RANBP2: variants seen among roughly 807,000 people sequenced by gnomAD.
The protein encoded by RANBP2 is RAN binding protein 2.
A neutral mutation model predicts 303.6 loss-of-function variants in RANBP2; 57 were observed. The observed-to-expected ratio is 0.19, with a 90% CI of 0.15 to 0.23. The LOEUF (loss-of-function observed/expected upper bound fraction) is 0.23. RANBP2 is among the 10% of genes least tolerant of loss of function. The pLI, the probability that RANBP2 is intolerant of heterozygous loss-of-function variation, is 1.00. For synonymous variants in RANBP2, 1,167 were observed against 1,301.5 expected (o/e 0.90, Z 2.23); for missense variants, 3,138 against 3,780.8 (o/e 0.83, Z 4.46).
intron 12 of RANBP2, among the ~76,000 whole-genome samples, chr2:108,752,314 C>CTA (rs997396147): frequency 2.0e-5 from 3 of 151,820 alleles, no homozygotes; most frequent in Non-Finnish European, 2.9e-5. Flanking sequence ...ATAGATCTTT[C>CTA]TATATACTTA....
Position 108,766,311 on chromosome 2 carries a change from T to A in RANBP2, c.5772T>A (p.Ala1924=), listed in dbSNP as rs1677115838. 6.2e-7 allele frequency: 1 copy of A among 1,611,876 alleles called. No individual in the cohort carries two copies. The highest frequency in any genetic ancestry group is 1.3e-5 in the African/African-American group (1 of 74,824). Residue 1924 remains alanine (A), a synonymous_variant, in exon 20 of 29, where the codon GCT becomes GCA. Transcript: ENST00000283195. ...KPLENGTGFQ[A]QDISGQKNGR... Reference sequence around the variant, plus strand: ...TTGAAAATGGTACTGGCTTCCAGGCTCAGGATATTAGTGGCCAGAAGAATG... The same window carrying A: ...TTGAAAATGGTACTGGCTTCCAGGCACAGGATATTAGTGGCCAGAAGAATG...
the RANBP2 span, among the ~76,000 whole-genome samples, chr2:109,643,352 C>CCTA: frequency 6.6e-6 from 1 of 152,190 alleles, no homozygotes. Flanking sequence ...GAGGCTGAAA[C>CCTA]CTACTGGGCT....
the RANBP2 span, among the ~76,000 whole-genome samples, chr2:108,937,148 C>T: frequency 5.9e-5 from 9 of 152,334 alleles, no homozygotes; most frequent in Middle Eastern, 6.8e-3. Context: ...AGCACACTGG[C>T]GGGCCCCAGA....
At chr2:109,544,981 C>T in the RANBP2 span, 1 of 985,372 alleles carries the variant, frequency 1.0e-6, no homozygotes, top group East Asian at 1.1e-4. Context: ...CCAATAAAAT[C>T]TGCCAAAGTC....
chr2:108,783,547 A>G (rs779051982), intron 28 of RANBP2, 49 bp from the exon 29 acceptor site: 50 of 1,416,888 alleles, frequency 3.5e-5, no homozygotes, highest in Non-Finnish European at 4.6e-5. Flanking sequence ...CAGGATTCCT[A>G]TTAATTGAAA....
the RANBP2 span, among the ~76,000 whole-genome samples, chr2:109,157,636 T>C: frequency 0.83 from 126,452 of 152,116 alleles, 52,718 homozygotes; most frequent in East Asian, 0.89. Context: ...GTGTGCTTCC[T>C]AGCCACCTGA....
chr2:109,407,115 T>A, the RANBP2 span, among the ~76,000 whole-genome samples: 4 of 152,218 alleles, frequency 2.6e-5, no homozygotes, highest in Non-Finnish European at 5.9e-5. Context: ...CAGGGGCTCT[T>A]GCTGGGTCCA....
At chr2:108,912,900 G>A in the RANBP2 span, 4 of 736,658 alleles carry the variant, frequency 5.4e-6, no homozygotes, top group Non-Finnish European at 9.5e-6. Flanking sequence ...CTAAATATTT[G>A]TATTTCTTAG....
At chr2:109,732,804 T>A in the RANBP2 span, 1 of 1,154,858 alleles carries the variant, frequency 8.7e-7, no homozygotes, top group Non-Finnish European at 1.3e-6. Context: ...TGTGGACCAC[T>A]CTGAAGTGTG....
the RANBP2 span, among the ~76,000 whole-genome samples, chr2:109,740,271 G>A: frequency 2.0e-4 from 30 of 152,080 alleles, no homozygotes; most frequent in East Asian, 5.6e-3. Context: ...ACAGGCGTGA[G>A]CCACTGCGCC....
the RANBP2 span, among the ~76,000 whole-genome samples, chr2:109,706,078 G>A: frequency 6.6e-6 from 1 of 152,174 alleles, no homozygotes; most frequent in East Asian, 1.9e-4. Context: ...TCAAAATCCA[G>A]CCTCTTCTCA....
the RANBP2 span, among the ~76,000 whole-genome samples, chr2:109,604,111 G>A: frequency 5.6e-5 from 8 of 143,476 alleles, no homozygotes; most frequent in Middle Eastern, 3.6e-3. Context: ...GCAGTGAGCC[G>A]AGATCATGCC....
the RANBP2 span, among the ~76,000 whole-genome samples, chr2:108,794,049 C>T: frequency 1.3e-5 from 2 of 151,980 alleles, no homozygotes; most frequent in African/African-American, 4.8e-5. Flanking sequence ...ATTTGTGAAC[C>T]TGTTTAAAAG....
intron 8 of RANBP2, among the ~76,000 whole-genome samples, chr2:108,747,435 C>G (rs1696600502): frequency 6.6e-6 from 1 of 152,120 alleles, no homozygotes. Context: ...TTGTAAAGAG[C>G]AAGATGTAAT....
chr2:108,804,991 G>T, the RANBP2 span: 1 of 1,536,802 alleles, frequency 6.5e-7, no homozygotes, highest in Non-Finnish European at 8.7e-7. Flanking sequence ...AGAATTGAAT[G>T]ATACCTTAAA....
chr2:109,028,658 C>T, the RANBP2 span, among the ~76,000 whole-genome samples: 4 of 152,226 alleles, frequency 2.6e-5, no homozygotes, highest in African/African-American at 4.8e-5. Flanking sequence ...TCCACAGGCC[C>T]TCCGAGGGTG....
the RANBP2 span, chr2:109,614,176 A>C: frequency 8.6e-7 from 1 of 1,168,062 alleles, no homozygotes; most frequent in Non-Finnish European, 1.1e-6. Context: ...ACTGCGGAGC[A>C]GTGATTGCGG....
chr2:109,275,817 C>T, the RANBP2 span, among the ~76,000 whole-genome samples: 3 of 152,148 alleles, frequency 2.0e-5, no homozygotes, highest in Non-Finnish European at 2.9e-5. Flanking sequence ...CTGAAGCGTT[C>T]GCGGGGAGCT....
the RANBP2 span, among the ~76,000 whole-genome samples, chr2:109,256,339 A>G: frequency 6.6e-6 from 1 of 152,218 alleles, no homozygotes; most frequent in Admixed American, 6.5e-5. Context: ...CGAGCTTGGA[A>G]GGTGCTCTGG....
Sources: allele counts gnomAD v4.1 joint callset (sites outside exome capture counted in the v4.1 genomes callset), GRCh38; gene constraint gnomAD v4.1.1; transcripts MANE v1.5; gene names NCBI Gene and HGNC (gene_info 2026-07-23, HGNC 2026-07-21).